ATXN10: variants seen among roughly 807,000 people sequenced by gnomAD.
ATXN10 encodes ataxin-10.
A neutral mutation model predicts 52.9 loss-of-function variants in ATXN10; 28 were observed. The ratio of observed to expected loss-of-function variants is 0.53; its 90% CI spans 0.39 to 0.73. The LOEUF is 0.73. ATXN10 is among the 30% of genes least tolerant of loss of function. ATXN10 has a pLI of 0.00. For missense variants in ATXN10, 565 were observed against 577.0 expected (o/e 0.98, Z 0.21); for synonymous variants, 226 against 221.5 (o/e 1.02, Z -0.18).
At chr22:45,815,884 A>G (rs1928442558) in intron 10 of ATXN10, among the ~76,000 whole-genome samples, 1 of 152,148 alleles carries the variant, frequency 6.6e-6, no homozygotes, top group Admixed American at 6.5e-5. Context: ...ACAGGTGACT[A>G]TACATCTGTG....
At chr22:45,821,533 A>G (rs1381039496) in intron 10 of ATXN10, among the ~76,000 whole-genome samples, 2 of 152,212 alleles carry the variant, frequency 1.3e-5, no homozygotes, top group Non-Finnish European at 2.9e-5. Context: ...GGCACTGCAC[A>G]TCATGGTGAC....
chr22:45,738,915 CA>C, intron 8 of ATXN10, 76 bp downstream of exon 8: 1 of 1,275,258 alleles, frequency 7.8e-7, no homozygotes, highest in South Asian at 1.2e-5. Flanking sequence ...AATCCAAATA[CA>C]AATCCTTAAT....
chr22:45,672,972 C>T (rs1376967691), intron 1 of ATXN10: 2 of 152,206 alleles, frequency 1.3e-5, no homozygotes, highest in Admixed American at 6.5e-5. Context: ...TGTGCGAAGC[C>T]CTCAGTCAAT....
chr22:45,685,290 G>A (rs1923092227), intron 1 of ATXN10, among the ~76,000 whole-genome samples: 1 of 152,088 alleles, frequency 6.6e-6, no homozygotes, highest in African/African-American at 2.4e-5. Flanking sequence ...TCTACCTTTT[G>A]TATAATTCAA....
In ATXN10 at chr22:45,750,207, G is replaced by A. The variant is rs143097485; in HGVS notation, c.1173+9669G>A. ...AGTTCTGTGCTCAAGTGATCCTCCCGCCTCAGCCACCCAAGTAGCTGGTAC... is the reference window on the plus strand; with the variant it reads ...AGTTCTGTGCTCAAGTGATCCTCCCACCTCAGCCACCCAAGTAGCTGGTAC... On this transcript the variant is annotated intron_variant, in intron 9 of 11. Coordinates refer to ENST00000252934, the MANE Select transcript of ATXN10 (RefSeq NM_013236.4). This position sits in a 1 kb window ranked among gnomAD's most constrained non-coding sequence, Gnocchi z 4.2. Among the ~76,000 whole-genome samples, 7 of 152,122 alleles carry A rather than the reference G, an allele frequency of 4.6e-5. No individual in the cohort carries two copies. The East Asian group carries it at 1.4e-3, about 29-fold the overall frequency.
Position 45,818,095 on chromosome 22 carries a change from T to TGTACAAGTAAATATTCCAA in ATXN10, c.1237+11076_1237+11094dup, listed in dbSNP as rs1569077077. Among the ~76,000 whole-genome samples the TGTACAAGTAAATATTCCAA allele has an allele frequency of 1.3e-5, 2 of 152,232 alleles. No homozygotes were observed. Among genetic ancestry groups the TGTACAAGTAAATATTCCAA allele is most frequent in the Non-Finnish European group, 2.9e-5 (2 of 68,040 alleles). ...TAGTCAAACTGTTTTAAAATGAGAC[T>TGTACAAGTAAATATTCCAA]GTACAAGTAAATATTCCAAGTTGTG... On this transcript the variant is annotated intron_variant, in intron 10 of 11. Transcript: ENST00000252934. This position sits in a 1 kb window ranked among gnomAD's most constrained non-coding sequence, Gnocchi z 4.6.
At chr22:45,776,011 GA>G (rs767649348) in intron 9 of ATXN10, among the ~76,000 whole-genome samples, 2 of 152,154 alleles carry the variant, frequency 1.3e-5, no homozygotes, top group African/African-American at 2.4e-5. Context: ...GCTGGAGGGG[GA>G]CCCAATTCAG....
rs181074343 is a variant in ATXN10 at position 45,841,310 on chromosome 22, G to C, written c.1238-1681G>C. On this transcript the variant is annotated intron_variant, in intron 10 of 11. Coordinates refer to ENST00000252934, the MANE Select transcript of ATXN10 (RefSeq NM_013236.4). The surrounding 1 kb of genome is among the most constrained non-coding windows in gnomAD (Gnocchi z 5.1). The stretch of plus-strand genomic sequence containing the variant: ...AACCAGCATTAGCTGGGCACTGACA[G>C]TCCTTTTCTCTGCCATCTGGAAAAG... 9.8e-5 allele frequency among the ~76,000 whole-genome samples: 15 copies of C among 152,338 alleles called. No individual in the cohort carries two copies. Among genetic ancestry groups the C allele is most frequent in the Admixed American group, 6.5e-4 (10 of 15,308 alleles).
In ATXN10 at chr22:45,766,015, C is replaced by T. The variant is rs1038005926; in HGVS notation, c.1173+25477C>T. 3.3e-5 allele frequency among the ~76,000 whole-genome samples: 5 copies of T among 152,112 alleles called. No individual in the cohort carries two copies. Among genetic ancestry groups the T allele is most frequent in the Non-Finnish European group, 5.9e-5 (4 of 68,032 alleles). On this transcript the variant is annotated intron_variant, in intron 9 of 11. Coordinates refer to ENST00000252934, the MANE Select transcript of ATXN10 (RefSeq NM_013236.4). This position sits in a 1 kb window ranked among gnomAD's most constrained non-coding sequence, Gnocchi z 4.6. ...TGTTCAAAACAACCTGGCATTGGCA[C>T]GTGAAGGGGCTGACAGGCTAATGGG...
chr22:45,749,319 C>T (rs531509023), intron 9 of ATXN10, among the ~76,000 whole-genome samples: 38 of 152,220 alleles, frequency 2.5e-4, no homozygotes, highest in African/African-American at 7.2e-4. Flanking sequence ...TTGCTTGGAG[C>T]GATAGCAGGC....
At chr22:45,814,009 T>C (rs989778555) in intron 10 of ATXN10, among the ~76,000 whole-genome samples, 1 of 152,166 alleles carries the variant, frequency 6.6e-6, no homozygotes, top group Non-Finnish European at 1.5e-5. Flanking sequence ...ATGTCCATAG[T>C]GGGGAAAACA....
intron 9 of ATXN10, among the ~76,000 whole-genome samples, chr22:45,747,314 G>T (rs1925770327): frequency 6.6e-6 from 1 of 152,114 alleles, no homozygotes; most frequent in South Asian, 2.1e-4. Flanking sequence ...AGACCAGCCA[G>T]ACAACATAAT....
At chr22:45,817,140 C>T (rs1928488605) in intron 10 of ATXN10, among the ~76,000 whole-genome samples, 2 of 152,164 alleles carry the variant, frequency 1.3e-5, no homozygotes, top group South Asian at 4.1e-4. Flanking sequence ...AGGACATCTT[C>T]CTGCCAAAGC....
At chr22:45,719,757 A>G (rs1924579874) in intron 6 of ATXN10, among the ~76,000 whole-genome samples, 1 of 152,196 alleles carries the variant, frequency 6.6e-6, no homozygotes, top group Admixed American at 6.5e-5. Flanking sequence ...TCCTTACTTC[A>G]TTCAAGGTTC....
rs1924019429 is a variant in ATXN10, at chr22:45,705,849, T to G, written c.647+3002T>G. On this transcript the variant is annotated intron_variant, in intron 5 of 11. Transcript: ENST00000252934. The surrounding 1 kb of genome is among the most constrained non-coding windows in gnomAD (Gnocchi z 5.2). Reference sequence around the variant, plus strand: ...GCCGGGGGTCCTCCAGCCCCCGACCTGTGGACTGGTACCTGTCCATGGCCT... The same window carrying G: ...GCCGGGGGTCCTCCAGCCCCCGACCGGTGGACTGGTACCTGTCCATGGCCT... 1.3e-5 allele frequency among the ~76,000 whole-genome samples: 2 copies of G among 152,164 alleles called. No individual in the cohort carries two copies. The highest frequency in any genetic ancestry group is 4.8e-5 in the African/African-American group (2 of 41,436).
chr22:45,836,848 G>A, intron 10 of ATXN10, among the ~76,000 whole-genome samples: 1 of 152,204 alleles, frequency 6.6e-6, no homozygotes. Context: ...CAAGGGATTT[G>A]TGAAGCATCT....
In ATXN10 at chr22:45,780,246, G is replaced by A. The variant is rs969476561; in HGVS notation, c.1174-26713G>A. ...TTACAGGCGTGTGCCACCACGCCCA[G>A]CTAATTTTTGTATTTTTAGTAGAGA... is the stretch of plus-strand genomic sequence containing the variant. On this transcript the variant is annotated intron_variant, in intron 9 of 11. Transcript: ENST00000252934. This position sits in a 1 kb window ranked among gnomAD's most constrained non-coding sequence, Gnocchi z 4.0. Among the ~76,000 whole-genome samples the A allele has an allele frequency of 3.3e-5, 5 of 152,134 alleles. No individual in the cohort carries two copies. Among genetic ancestry groups the A allele is most frequent in the African/African-American group, 1.2e-4 (5 of 41,416 alleles).
intron 7 of ATXN10, among the ~76,000 whole-genome samples, chr22:45,730,938 A>T (rs1055255260): frequency 2.0e-5 from 3 of 152,196 alleles, no homozygotes; most frequent in Non-Finnish European, 4.4e-5. Flanking sequence ...TCTCTTCTTT[A>T]TAGGAGATTC....
In ATXN10 at chr22:45,790,131, A is replaced by G. The variant is rs987325049; in HGVS notation, c.1174-16828A>G. Among the ~76,000 whole-genome samples, 5 of 152,212 alleles carry G rather than the reference A, an allele frequency of 3.3e-5. No homozygotes were observed. Among genetic ancestry groups the G allele is most frequent in the Non-Finnish European group, 7.3e-5 (5 of 68,036 alleles). On this transcript the variant is annotated intron_variant, in intron 9 of 11. Coordinates refer to ENST00000252934, the MANE Select transcript of ATXN10 (RefSeq NM_013236.4). This position sits in a 1 kb window ranked among gnomAD's most constrained non-coding sequence, Gnocchi z 4.7. ...GCATTAAAGTCCAATTCTCTTGCCC[A>G]TGTGTGTTCAAATAAATTGAAATTC...
Sources: allele counts gnomAD v4.1 joint callset (sites outside exome capture counted in the v4.1 genomes callset), GRCh38; gene constraint gnomAD v4.1.1; non-coding constraint Gnocchi (gnomAD v3.1); transcripts MANE v1.5; gene names NCBI Gene and HGNC (gene_info 2026-07-23, HGNC 2026-07-21).